The following ACACA variants were observed in gnomAD, a reference collection of about 807,000 sequenced individuals.
ACACA encodes acetyl-CoA carboxylase alpha.
ACACA carries 103 observed loss-of-function variants against 296.1 expected under a neutral mutation model. The ratio of observed to expected loss-of-function variants is 0.35; its 90% CI spans 0.30 to 0.41. The LOEUF is 0.41. Among genes scored for constraint, ACACA ranks in the 10% least tolerant of loss-of-function variants. The pLI is 1.00. For missense variants in ACACA, 1,554 were observed against 2,989.7 expected, an observed-to-expected ratio of 0.52 and a Z score of 11.20; for synonymous variants, 953 against 1,038.6, an observed-to-expected ratio of 0.92 and a Z score of 1.58.
chr17:37,228,206 C>CTTTTTT (rs11299899), intron 25 of ACACA, among the ~76,000 whole-genome samples: 2 of 106,062 alleles, frequency 1.9e-5, no homozygotes, highest in East Asian at 3.2e-4. Flanking sequence ...TTCTCAAACC[C>CTTTTTT]TTTTTTTTTT....
At chr17:37,359,646 T>C (rs1336257688) in intron 1 of ACACA, among the ~76,000 whole-genome samples, 5 of 152,018 alleles carry the variant, frequency 3.3e-5, no homozygotes, top group Admixed American at 1.3e-4. Context: ...AACCCAGAAT[T>C]AAGGCGGGCT....
At chr17:37,355,781 C>T (rs1446939995) in intron 1 of ACACA, among the ~76,000 whole-genome samples, 1 of 151,690 alleles carries the variant, frequency 6.6e-6, no homozygotes, top group African/African-American at 2.4e-5. Context: ...TCGCTTGAAC[C>T]CGGGAGGCGG....
chr17:37,179,262 C>T lies in ACACA; in HGVS notation c.5077G>A (p.Glu1693Lys). 1 of 1,614,138 alleles carries T rather than the reference C, an allele frequency of 6.2e-7. No individual in the cohort carries two copies. Among genetic ancestry groups the T allele is most frequent in the Non-Finnish European group, 8.5e-7 (1 of 1,180,008 alleles). The change falls in exon 41 of 56, where the codon GAG becomes AAG. Residue 1693 changes from glutamate (E) to lysine (K), a missense_variant and splice_region_variant. Physicochemically the swap from Glu to Lys is moderately conservative, Grantham distance 56. Coordinates refer to ENST00000616317, the MANE Select transcript of ACACA (RefSeq NM_198834.3). ...VHMNRLPGGN[E>K]IGMVAWKMTF... ...GAAGGGGGGTTTCAACTACTTGCCT[C>T]ATTTCCTCCTGGAAGCCTGTTCATG...
intron 1 of ACACA, among the ~76,000 whole-genome samples, chr17:37,374,871 T>TTA (rs2049939149): frequency 6.6e-6 from 1 of 151,998 alleles, no homozygotes; most frequent in South Asian, 2.1e-4. Context: ...TAATGTGAGT[T>TTA]TATATATATA....
intron 29 of ACACA, among the ~76,000 whole-genome samples, chr17:37,221,089 A>T (rs1316146046): frequency 6.6e-6 from 1 of 152,208 alleles, no homozygotes; most frequent in Non-Finnish European, 1.5e-5. Flanking sequence ...AAGTATTTTC[A>T]TTTTAAAACA....
At chr17:37,148,455 G>A (rs1015831255) in intron 45 of ACACA, among the ~76,000 whole-genome samples, 2 of 152,134 alleles carry the variant, frequency 1.3e-5, no homozygotes, top group East Asian at 1.9e-4. Flanking sequence ...CAAGCTGATC[G>A]CATCAAATGA....
chr17:37,290,783 G>A (rs1010727460), intron 3 of ACACA, among the ~76,000 whole-genome samples: 3 of 152,136 alleles, frequency 2.0e-5, no homozygotes, highest in East Asian at 1.9e-4. Flanking sequence ...CTTGGGCCAC[G>A]TATAAAATAC....
At chr17:37,266,049 C>A (rs2081754141) in intron 10 of ACACA, among the ~76,000 whole-genome samples, 1 of 152,148 alleles carries the variant, frequency 6.6e-6, no homozygotes, top group Admixed American at 6.5e-5. Context: ...CAAAGAGACA[C>A]ATCCACAACT....
chr17:37,232,098 T>C (rs2079887025), intron 25 of ACACA, among the ~76,000 whole-genome samples: 1 of 152,186 alleles, frequency 6.6e-6, no homozygotes. Context: ...AAGTTACCAC[T>C]GGGCAGGTTA....
intron 3 of ACACA, among the ~76,000 whole-genome samples, chr17:37,317,134 A>G (rs2047134814): frequency 6.6e-6 from 1 of 152,100 alleles, no homozygotes; most frequent in African/African-American, 2.4e-5. Flanking sequence ...TATGGGGAAA[A>G]AAAGCAGAAA....
At chr17:37,297,472 T>A (rs1410676293) in intron 3 of ACACA, among the ~76,000 whole-genome samples, 2 of 149,418 alleles carry the variant, frequency 1.3e-5, no homozygotes. Flanking sequence ...CACACACACA[T>A]GCGTGTGTGT....
rs1567878946 is a variant in ACACA, at chr17:37,248,114, C to T, written c.2206G>A (p.Gly736Ser). The T allele has an allele frequency of 1.2e-6, 2 of 1,614,190 alleles. No individual in the cohort carries two copies. Among genetic ancestry groups the T allele is most frequent in the Non-Finnish European group, 1.7e-6 (2 of 1,180,024 alleles). Residue 736 changes from glycine (G) to serine (S), a missense_variant, in exon 18 of 56, where the codon GGC becomes AGC. Transcript: ENST00000616317. ...SPNSYVVIMN[G>S]SCVEVDVHRL... ...TGTACATCTACTTCTACACATGAGC[C>T]ATTCATGATCACCACATAGGAGTTG...
intron 10 of ACACA, among the ~76,000 whole-genome samples, chr17:37,269,827 AGAT>A (rs1263686259): frequency 6.6e-6 from 1 of 152,012 alleles, no homozygotes; most frequent in African/African-American, 2.4e-5. Context: ...GCAAAGTAGA[AGAT>A]GATGAGGAAA....
At chr17:37,094,230 G>A (rs1325056633) in intron 54 of ACACA, among the ~76,000 whole-genome samples, 4 of 152,208 alleles carry the variant, frequency 2.6e-5, no homozygotes, top group South Asian at 2.1e-4. Context: ...CAGTAGGATC[G>A]TCCCAGTGGA....
rs768605726 is a variant in ACACA, at chr17:37,226,326, CAA to C, written c.3360+11_3360+12del. 7.5e-6 allele frequency: 12 copies of C among 1,606,174 alleles called. No homozygotes were observed. Among genetic ancestry groups the C allele is most frequent in the Non-Finnish European group, 7.7e-6 (9 of 1,172,850 alleles). On this transcript the variant is annotated intron_variant, in intron 26 of 55. Coordinates refer to ENST00000616317, the MANE Select transcript of ACACA (RefSeq NM_198834.3). The stretch of plus-strand genomic sequence containing the variant: ...GCCATCCCTCCTTTAAGAAAACCAA[CAA>C]ATGTCCTTACCTGGCGTGCTCGAAG...
intron 26 of ACACA, chr17:37,225,420 T>C: frequency 3.2e-6 from 1 of 312,386 alleles, no homozygotes; most frequent in Non-Finnish European, 6.1e-6. Context: ...CTGCTGGTCC[T>C]AGGGACTGCA....
At chr17:37,302,550 C>T (rs1183523476) in intron 3 of ACACA, among the ~76,000 whole-genome samples, 1 of 149,904 alleles carries the variant, frequency 6.7e-6, no homozygotes, top group African/African-American at 2.5e-5. Context: ...TCCGCCTCAG[C>T]CTCTGGGTTT....
At chr17:37,181,900 CAAAAAAAAAAAAA>C (rs61045031) in intron 39 of ACACA, among the ~76,000 whole-genome samples, 31 of 22,238 alleles carry the variant, frequency 1.4e-3, no homozygotes, top group East Asian at 2.7e-3. Context: ...ACTCTGTATC[CAAAAAAAAAAAAA>C]AAAAAAAAAA....
At chr17:37,378,657 G>A (rs1035833372) in intron 1 of ACACA, among the ~76,000 whole-genome samples, 1 of 152,222 alleles carries the variant, frequency 6.6e-6, no homozygotes, top group Non-Finnish European at 1.5e-5. Flanking sequence ...AGGTTGCAGT[G>A]AGCTGAGATT....
Sources: gnomAD v4.1 joint callset for allele counts (sites outside exome capture counted in the v4.1 genomes callset) on GRCh38, gnomAD v4.1.1 for gene constraint, MANE v1.5 for transcripts, NCBI Gene and HGNC (gene_info 2026-07-23, HGNC 2026-07-21) for gene names.